Variants in KMT2D observed in about 807,000 individuals in gnomAD.
KMT2D encodes the protein histone-lysine N-methyltransferase 2D.
In KMT2D, 55 loss-of-function variants were observed where a neutral mutation model predicts 512.7. The ratio of observed to expected loss-of-function variants is 0.11; its 90% CI spans 0.09 to 0.13. The LOEUF is 0.13. Ranked by LOEUF, KMT2D falls within the 10% of genes least tolerant of loss-of-function variation. KMT2D has a pLI of 1.00. For synonymous variants in KMT2D, 2,995 were observed against 2,904.0 expected (o/e 1.03, Z -1.01); for missense variants, 6,061 against 7,127.9 (o/e 0.85, Z 5.39).
Position 49,046,882 on chromosome 12 carries a change from G to T in KMT2D, c.4237-92C>A. 1 of 1,238,006 alleles carries T rather than the reference G, an allele frequency of 8.1e-7. No homozygotes were observed. Among genetic ancestry groups the T allele is most frequent in the East Asian group, 2.6e-5 (1 of 38,942 alleles). The allele number at this position is 1,238,006 out of a possible 1,614,324, so 76.7% of individuals were successfully genotyped here. On this transcript the variant is annotated intron_variant, in intron 15 of 54. Transcript: ENST00000301067. This position sits in a 1 kb window ranked among gnomAD's most constrained non-coding sequence, Gnocchi z 4.2. Reference sequence around the variant, plus strand: ...TTTTTGGAGATGGAGTTTTGCTCTTGTTCCCCAGGCTGGAGTGCAATGGCG... The same window carrying T: ...TTTTTGGAGATGGAGTTTTGCTCTTTTTCCCCAGGCTGGAGTGCAATGGCG...
rs1054610404 is a variant in KMT2D, at chr12:49,039,274, G to A, written c.8314C>T (p.Leu2772Phe). Residue 2772 changes from leucine (L) to phenylalanine (F), a missense_variant, in exon 34 of 55, where the codon CTC becomes TTC. Around this residue, in one of 16 missense-constraint regions of KMT2D, gnomAD observed 527 missense variants for 578.9 expected, o/e 0.91. Coordinates refer to ENST00000301067, the MANE Select transcript of KMT2D (RefSeq NM_003482.4). This position sits in a 1 kb window ranked among gnomAD's most constrained non-coding sequence, Gnocchi z 5.0. ...GPGSFPSDDR[L>F]SRPPPPATPS... ...GTGGCTGGTGGAGGTGGCCGGGAGA[G>A]TCGGTCATCGCTAGGGAAGGACCCT... The A allele has an allele frequency of 2.5e-6, 4 of 1,613,654 alleles. No individual in the cohort carries two copies. Among genetic ancestry groups the A allele is most frequent in the Non-Finnish European group, 2.5e-6 (3 of 1,179,874 alleles).
chr12:49,032,061 C>T lies in KMT2D; in HGVS notation c.12644G>A (p.Ser4215Asn), dbSNP rs1447629255. ...CTGTAGCTGCTGCTGCTGCTGAGGA[C>T]TTAAGTGCCGCAGCTGTGGGTTTTT... is the stretch of plus-strand genomic sequence containing the variant. ...LAKNPQLRHL[S>N]PQQQQQLQAL... The change falls in exon 40 of 55, where the codon AGT becomes AAT. Residue 4215 changes from serine (S) to asparagine (N), a missense_variant. Coordinates refer to ENST00000301067, the MANE Select transcript of KMT2D (RefSeq NM_003482.4). 1.2e-6 allele frequency: 2 copies of T among 1,612,698 alleles called. No homozygotes were observed. The highest frequency in any genetic ancestry group is 1.7e-6 in the Non-Finnish European group (2 of 1,179,248).
Position 49,051,756 on chromosome 12 carries a change from G to A in KMT2D, c.1927C>T (p.Pro643Ser), listed in dbSNP as rs766876459. Residue 643 changes from proline (P) to serine (S), a missense_variant, in exon 11 of 55, where the codon CCT becomes TCT. By Grantham distance (74) the Pro-to-Ser change is moderately conservative. Around this residue, in one of 16 missense-constraint regions of KMT2D, gnomAD observed 848 missense variants for 838.5 expected, o/e 1.01. Coordinates refer to ENST00000301067, the MANE Select transcript of KMT2D (RefSeq NM_003482.4). ...SPMSPPPEES[P>S]MSPPPEVSRL... Reference sequence around the variant, plus strand: ...GATACCTCAGGTGGGGGGGACATAGGTGATTCTTCAGGTGGTGGGGACATA... The same window carrying A: ...GATACCTCAGGTGGGGGGGACATAGATGATTCTTCAGGTGGTGGGGACATA... The A allele has an allele frequency of 6.2e-7, 1 of 1,607,402 alleles. No homozygotes were observed. The highest frequency in any genetic ancestry group is 8.5e-7 in the Non-Finnish European group (1 of 1,175,120).
At chr12:49,036,690 G>A (rs566796833) in intron 35 of KMT2D, among the ~76,000 whole-genome samples, 4 of 151,924 alleles carry the variant, frequency 2.6e-5, no homozygotes, top group Middle Eastern at 3.4e-3. Flanking sequence ...AGTAGAGATG[G>A]GGTTTCATCA....
chr12:49,054,151 G>A lies in KMT2D; in HGVS notation c.511-11C>T, dbSNP rs766919843. The A allele has an allele frequency of 1.3e-6, 2 of 1,585,464 alleles. No individual in the cohort carries two copies. The highest frequency in any genetic ancestry group is 1.7e-6 in the Non-Finnish European group (2 of 1,165,378). ...GCAGTGGGAGCAGCGCTGCCAGGGT[G>A]AAAAAAGAGCCTCAGTGTCAGCCAG... is the stretch of plus-strand genomic sequence containing the variant. On this transcript the variant is annotated splice_polypyrimidine_tract_variant and intron_variant, in intron 5 of 54. Transcript: ENST00000301067. This position sits in a 1 kb window ranked among gnomAD's most constrained non-coding sequence, Gnocchi z 6.4.
intron 1 of KMT2D, among the ~76,000 whole-genome samples, chr12:49,058,418 CAAAG>C (rs960584050): frequency 1.1e-4 from 16 of 152,150 alleles, no homozygotes; most frequent in African/African-American, 3.9e-4. Flanking sequence ...AAACCAGACT[CAAAG>C]AAATCTAGTA....
rs538227733 is a variant in KMT2D at position 49,037,260 on chromosome 12, C to T, written c.10096G>A (p.Gly3366Ser). 2 of 1,613,706 alleles carry T rather than the reference C, an allele frequency of 1.2e-6. No homozygotes were observed. The highest frequency in any genetic ancestry group is 1.7e-5 in the Admixed American group (1 of 60,020). The change falls in exon 35 of 55, where the codon GGC becomes AGC. Residue 3366 changes from glycine to serine, a missense_variant. This residue lies in a region of KMT2D where 533 missense variants were observed against 539.6 expected (regional missense o/e 0.99). Coordinates refer to ENST00000301067, the MANE Select transcript of KMT2D (RefSeq NM_003482.4). Reference sequence around the variant, plus strand: ...TGTGAGCTCTGCTGGGGTACCAAGCCTGCCTGCCCTCCATGCTGCCCACTT... The same window carrying T: ...TGTGAGCTCTGCTGGGGTACCAAGCTTGCCTGCCCTCCATGCTGCCCACTT... ...MLSGQHGGQA[G>S]LVPQQSSQPV...
rs2120656685 is a variant in KMT2D, at chr12:49,050,772, A to C, written c.2816T>G (p.Leu939Arg). The C allele has an allele frequency of 6.2e-7, 1 of 1,606,038 alleles. No homozygotes were observed. The highest frequency in any genetic ancestry group is 1.1e-5 in the South Asian group (1 of 90,754). ...GGCCGCAGCTGTGATGATGGGTGAGAGTGGAGGAGGAAGGGGATCTGGAAG... is the reference window on the plus strand; with the variant it reads ...GGCCGCAGCTGTGATGATGGGTGAGCGTGGAGGAGGAAGGGGATCTGGAAG... Reference protein sequence around the residue: ...LMPPDPLPPPLSPIITAAAPP... With the variant: ...LMPPDPLPPPRSPIITAAAPP... Residue 939 changes from leucine to arginine, a missense_variant, in exon 12 of 55, where the codon CTC becomes CGC. Leu to Arg is a moderately radical substitution (Grantham distance 102). Around this residue, in one of 16 missense-constraint regions of KMT2D, gnomAD observed 848 missense variants for 838.5 expected, o/e 1.01. Transcript: ENST00000301067.
chr12:49,027,715 A>C (rs1942673530), intron 48 of KMT2D, 88 bp downstream of exon 48: 1 of 1,492,018 alleles, frequency 6.7e-7, no homozygotes, highest in Admixed American at 2.0e-5. Flanking sequence ...TTGCCTCCCA[A>C]AGCACTGGGA....
chr12:49,037,144 G>T lies in KMT2D; in HGVS notation c.10212C>A (p.Asn3404Lys). The change falls in exon 35 of 55, where the codon AAC (asparagine) becomes AAA (lysine). Residue 3404 changes from asparagine to lysine, a missense_variant. Asn to Lys is a moderately conservative substitution (Grantham distance 94). Coordinates refer to ENST00000301067, the MANE Select transcript of KMT2D (RefSeq NM_003482.4). ...QQLAMQQQLANSFFPDTDLDK... is the reference protein window; with the variant it reads ...QQLAMQQQLAKSFFPDTDLDK... Reference sequence around the variant, plus strand: ...GGTTACCTGTATCTGGGAAGAAGCTGTTTGCCAGCTGCTGCTGCATTGCCA... The same window carrying T: ...GGTTACCTGTATCTGGGAAGAAGCTTTTTGCCAGCTGCTGCTGCATTGCCA... 1 of 1,579,456 alleles carries T rather than the reference G, an allele frequency of 6.3e-7. No homozygotes were observed.
At position 49,042,533 on chromosome 12, in the gene KMT2D, C is replaced by A. The variant is rs1943589465; in HGVS notation, c.5867+28G>T. The A allele has an allele frequency of 6.2e-7, 1 of 1,608,464 alleles. No homozygotes were observed. The highest frequency in any genetic ancestry group is 8.5e-7 in the Non-Finnish European group (1 of 1,175,968). On this transcript the variant is annotated intron_variant, in intron 28 of 54. Coordinates refer to ENST00000301067, the MANE Select transcript of KMT2D (RefSeq NM_003482.4). This position sits in a 1 kb window ranked among gnomAD's most constrained non-coding sequence, Gnocchi z 4.4. ...TGGAGGGAAAGGACAACGAGGACTGCCCACAAAGGTTACGCAGAGACACCA... is the reference window on the plus strand; with the variant it reads ...TGGAGGGAAAGGACAACGAGGACTGACCACAAAGGTTACGCAGAGACACCA...
At position 49,033,612 on chromosome 12, in the gene KMT2D, C is replaced by A. The variant is rs931451601; in HGVS notation, c.11093G>T (p.Gly3698Val). ...AAGAGCAAGGTTGCCAGGGAAGAAG[C>A]CCCCTGAAGGGCCAGCCAGGGATCC... ...GAGSLAGPSG[G>V]FFPGNLALRS... The change falls in exon 40 of 55, where the codon GGC becomes GTC. Residue 3698 changes from glycine to valine, a missense_variant. Gly to Val is a moderately radical substitution (Grantham distance 109, BLOSUM62 -3). This residue lies in a region of KMT2D where 1,600 missense variants were observed against 1,754.9 expected (regional missense o/e 0.91). Coordinates refer to ENST00000301067, the MANE Select transcript of KMT2D (RefSeq NM_003482.4). 3.7e-6 allele frequency: 6 copies of A among 1,613,588 alleles called. No individual in the cohort carries two copies. Among genetic ancestry groups the A allele is most frequent in the Non-Finnish European group, 5.1e-6 (6 of 1,179,824 alleles).
Position 49,028,963 on chromosome 12 carries a change from A to T in KMT2D, c.14252-5T>A, listed in dbSNP as rs2120388643. On this transcript the variant is annotated splice_polypyrimidine_tract_variant and splice_region_variant and intron_variant, in intron 45 of 54. Transcript: ENST00000301067. Reference sequence around the variant, plus strand: ...AAGGTTTGGTATCTGGGAAGACTGAATGAGAAAGAGGAATTTGTGTAACAC... The same window carrying T: ...AAGGTTTGGTATCTGGGAAGACTGATTGAGAAAGAGGAATTTGTGTAACAC... 1 of 1,613,634 alleles carries T rather than the reference A, an allele frequency of 6.2e-7. No homozygotes were observed. Among genetic ancestry groups the T allele is most frequent in the African/African-American group, 1.3e-5 (1 of 75,034 alleles).
In KMT2D at chr12:49,041,738, G is replaced by A. The variant is rs1490258029; in HGVS notation, c.6184-33C>T. 1 of 1,596,938 alleles carries A rather than the reference G, an allele frequency of 6.3e-7. No homozygotes were observed. The highest frequency in any genetic ancestry group is 8.5e-7 in the Non-Finnish European group (1 of 1,170,890). On this transcript the variant is annotated intron_variant, in intron 30 of 54. Coordinates refer to ENST00000301067, the MANE Select transcript of KMT2D (RefSeq NM_003482.4). The surrounding 1 kb of genome is among the most constrained non-coding windows in gnomAD (Gnocchi z 5.4). The stretch of plus-strand genomic sequence containing the variant: ...ATATGGGACACAGCCTTAGGGCCTA[G>A]TGCTTGGTCTCATGCCCCGCCCCCA...
intron 49 of KMT2D, among the ~76,000 whole-genome samples, chr12:49,025,646 A>C (rs1303880362): frequency 6.6e-6 from 1 of 152,192 alleles, no homozygotes; most frequent in Non-Finnish European, 1.5e-5. Flanking sequence ...GAAATCTGAG[A>C]CTCAGTTTCT....
rs570831539 is a variant in KMT2D, at chr12:49,052,367, G to A, written c.1316C>T (p.Pro439Leu). 1 of 1,545,100 alleles carries A rather than the reference G, an allele frequency of 6.5e-7. No individual in the cohort carries two copies. Among genetic ancestry groups the A allele is most frequent in the South Asian group, 1.3e-5 (1 of 79,146 alleles). ...TGACTCCTCAGGTGGGGGCAGCAGT[G>A]GCATCTCCTCGTTTAGGGGGGCCTC... ...QLEAPLNEEM[P>L]LLPPPEESPL... The change falls in exon 11 of 55, where the codon CCA becomes CTA. Residue 439 changes from proline to leucine, a missense_variant. Transcript: ENST00000301067.
In KMT2D at chr12:49,041,506, G is replaced by A. The variant is rs370414767; in HGVS notation, c.6264C>T (p.Thr2088=). 423 of 1,613,570 alleles carry A rather than the reference G, an allele frequency of 2.6e-4. No individual in the cohort carries two copies. Among genetic ancestry groups the A allele is most frequent in the Non-Finnish European group, 3.4e-4 (400 of 1,179,676 alleles). ...KQAESQINKQ[T]KVGDIARKTD... ...TCTTACGGGCTATGTCGCCCACCTT[G>A]GTCTGCTTGTTGATCTGGCTCTCAG... Residue 2088 remains threonine (T), a synonymous_variant, in exon 32 of 55, where the codon ACC becomes ACT. Transcript: ENST00000301067. The surrounding 1 kb of genome is among the most constrained non-coding windows in gnomAD (Gnocchi z 5.4).
In KMT2D at chr12:49,057,146, T is replaced by A. The variant is rs1003771190; in HGVS notation, c.-37-1785A>T. The stretch of plus-strand genomic sequence containing the variant: ...AGAAGCTACCATGGGAAGTGGGAGG[T>A]GGAGATGAGGGCAGCAGCCAGGCCC... On this transcript the variant is annotated intron_variant, in intron 1 of 54. Transcript: ENST00000301067. 2.7e-5 allele frequency among the ~76,000 whole-genome samples: 4 copies of A among 150,698 alleles called. No homozygotes were observed. In the South Asian group the frequency reaches 6.3e-4, roughly 24 times the overall value.
Position 49,052,232 on chromosome 12 carries a change from T to C in KMT2D, c.1451A>G (p.His484Arg), listed in dbSNP as rs1592157589. 1 of 1,600,374 alleles carries C rather than the reference T, an allele frequency of 6.2e-7. No individual in the cohort carries two copies. The highest frequency in any genetic ancestry group is 8.5e-7 in the Non-Finnish European group (1 of 1,174,850). ...LPASPLPEAL[H>R]LSRPLEESPL... Reference sequence around the variant, plus strand: ...CGATTCCTCCAGCGGCCGGGACAGGTGCAATGCCTCAGGAAGTGGGGATGC... The same window carrying C: ...CGATTCCTCCAGCGGCCGGGACAGGCGCAATGCCTCAGGAAGTGGGGATGC... Residue 484 changes from histidine to arginine, a missense_variant, in exon 11 of 55, where the codon CAC becomes CGC. By Grantham distance (29) the His-to-Arg change is conservative. Transcript: ENST00000301067.
Sources: gnomAD v4.1 joint callset for allele counts (sites outside exome capture counted in the v4.1 genomes callset) on GRCh38, gnomAD v4.1.1 for gene constraint, gnomAD v4.1.1 regional missense constraint, Gnocchi (gnomAD v3.1) non-coding constraint, MANE v1.5 for transcripts, NCBI Gene and HGNC (gene_info 2026-07-23, HGNC 2026-07-21) for gene names.